The following MAGI3 variants were observed in gnomAD, a reference collection of about 807,000 sequenced individuals.
MAGI3 encodes membrane-associated guanylate kinase, WW and PDZ domain-containing protein 3.
In MAGI3, 43 loss-of-function variants were observed where a neutral mutation model predicts 121.8. The observed-to-expected ratio is 0.35, with a 90% CI of 0.28 to 0.46. MAGI3 has a LOEUF of 0.46. MAGI3 is among the 20% of genes least tolerant of loss of function. MAGI3 has a pLI of 1.00. For synonymous variants in MAGI3, 553 were observed against 639.3 expected (o/e 0.86, Z 2.04); for missense variants, 1,547 against 1,797.3 (o/e 0.86, Z 2.52).
chr1:113,568,260 C>T (rs1660516231), intron 2 of MAGI3, among the ~76,000 whole-genome samples: 1 of 151,964 alleles, frequency 6.6e-6, no homozygotes, highest in South Asian at 2.1e-4. Flanking sequence ...ATATTACTTA[C>T]CATAGCATAT....
In MAGI3 at chr1:113,659,148, G is replaced by A; in HGVS notation, c.2698G>A (p.Gly900Arg). The change falls in exon 16 of 21, where the codon GGA becomes AGA. Residue 900 changes from glycine to arginine, a missense_variant. Coordinates refer to ENST00000307546, the MANE Select transcript of MAGI3 (RefSeq NM_001142782.2). Reference protein sequence around the residue: ...PADRCGKLKVGDHISAVNGQS... With the variant: ...PADRCGKLKVRDHISAVNGQS... The stretch of plus-strand genomic sequence containing the variant: ...TGACCGCTGTGGAAAACTGAAAGTT[G>A]GAGATCATATCTCTGCAGTGAATGG... The A allele has an allele frequency of 6.2e-7, 1 of 1,614,034 alleles. No homozygotes were observed. Among genetic ancestry groups the A allele is most frequent in the Non-Finnish European group, 8.5e-7 (1 of 1,179,942 alleles).
At chr1:113,682,142 T>C in intron 20 of MAGI3, 2 of 1,520,668 alleles carry the variant, frequency 1.3e-6, no homozygotes, top group South Asian at 1.2e-5. Flanking sequence ...CCCAGTGACA[T>C]CTTTGCTAAC....
At chr1:113,514,914 G>A (rs1324673294) in intron 1 of MAGI3, among the ~76,000 whole-genome samples, 1 of 152,092 alleles carries the variant, frequency 6.6e-6, no homozygotes, top group Non-Finnish European at 1.5e-5. Flanking sequence ...AGAAAACTAA[G>A]AGAGGAATTT....
intron 1 of MAGI3, among the ~76,000 whole-genome samples, chr1:113,474,565 G>T (rs547458587): frequency 1.3e-5 from 2 of 152,144 alleles, no homozygotes; most frequent in South Asian, 2.1e-4. Context: ...TCAAAGATCC[G>T]ATGGTTGCGG....
At chr1:113,619,661 TG>T in intron 7 of MAGI3, 74 bp from the exon 8 acceptor site, 1 of 968,990 alleles carries the variant, frequency 1.0e-6, no homozygotes, top group Non-Finnish European at 1.6e-6. Flanking sequence ...GATGATGGAA[TG>T]GTATGATAGA....
chr1:113,553,475 T>G (rs12035317), intron 2 of MAGI3, among the ~76,000 whole-genome samples: 34,229 of 152,064 alleles, frequency 0.23, 4,946 homozygotes, highest in East Asian at 0.65. Context: ...AGTTTTAAGT[T>G]TAACAATTCC....
chr1:113,483,489 C>T (rs1656209135), intron 1 of MAGI3, among the ~76,000 whole-genome samples: 1 of 152,182 alleles, frequency 6.6e-6, no homozygotes, highest in Admixed American at 6.5e-5. Context: ...AGACAGCAAA[C>T]CAGCAAGAGT....
At chr1:113,513,786 A>G (rs1657741400) in intron 1 of MAGI3, among the ~76,000 whole-genome samples, 1 of 152,232 alleles carries the variant, frequency 6.6e-6, no homozygotes, top group Non-Finnish European at 1.5e-5. Context: ...ATGGGATCTA[A>G]TTAAACTAAA....
intron 1 of MAGI3, among the ~76,000 whole-genome samples, chr1:113,532,187 CTATT>C (rs879543299): frequency 3.8e-4 from 58 of 152,146 alleles, no homozygotes; most frequent in African/African-American, 8.4e-4. Context: ...TGCTTAAAGA[CTATT>C]TATACTTTGC....
intron 2 of MAGI3, among the ~76,000 whole-genome samples, chr1:113,554,283 ATGTG>A (rs539910651): frequency 6.1e-5 from 8 of 131,854 alleles, no homozygotes; most frequent in African/African-American, 1.4e-4. Context: ...AAATATTCAT[ATGTG>A]TGTGTGTGTG....
intron 1 of MAGI3, among the ~76,000 whole-genome samples, chr1:113,425,078 G>A (rs998944773): frequency 6.6e-6 from 1 of 151,808 alleles, no homozygotes. Flanking sequence ...AGAATCACTT[G>A]AACCTGGGAG....
intron 1 of MAGI3, chr1:113,404,509 TTTCTTTATATCTACTA>T (rs1651572053): frequency 6.6e-6 from 1 of 152,212 alleles, no homozygotes; most frequent in African/African-American, 2.4e-5. Context: ...TGCTTTTGAA[TTTCTTTATATCTACTA>T]TATCTGTATG....
At chr1:113,456,867 T>C (rs1277573069) in intron 1 of MAGI3, among the ~76,000 whole-genome samples, 3 of 151,090 alleles carry the variant, frequency 2.0e-5, no homozygotes, top group African/African-American at 4.9e-5. Context: ...TTTTTTTTTT[T>C]CCAAGTTCTA....
chr1:113,449,075 G>A (rs1654328989), intron 1 of MAGI3, among the ~76,000 whole-genome samples: 1 of 149,678 alleles, frequency 6.7e-6, no homozygotes, highest in African/African-American at 2.5e-5. Flanking sequence ...CCGAGATCAC[G>A]CTATTGCACT....
At chr1:113,598,889 T>G (rs1178961924) in intron 6 of MAGI3, among the ~76,000 whole-genome samples, 1 of 152,204 alleles carries the variant, frequency 6.6e-6, no homozygotes, top group Non-Finnish European at 1.5e-5. Flanking sequence ...CATCAGCACA[T>G]GGAACCTTCT....
intron 7 of MAGI3, among the ~76,000 whole-genome samples, chr1:113,617,061 G>A (rs947675880): frequency 3.3e-5 from 5 of 151,934 alleles, no homozygotes; most frequent in Non-Finnish European, 7.4e-5. Context: ...ACCTAATTTT[G>A]TATTTTTAGT....
chr1:113,395,087 G>T (rs932501851), intron 1 of MAGI3, among the ~76,000 whole-genome samples: 31 of 33,232 alleles, frequency 9.3e-4, no homozygotes, highest in African/African-American at 3.0e-3. Context: ...CTTTTTGTTA[G>T]TTTTTTTTTT....
chr1:113,673,675 A>G (rs1647697307), intron 19 of MAGI3, among the ~76,000 whole-genome samples: 1 of 152,226 alleles, frequency 6.6e-6, no homozygotes, highest in South Asian at 2.1e-4. Context: ...GTGCTAAACC[A>G]TATTGCAGTT....
At chr1:113,562,402 A>G (rs753203607) in intron 2 of MAGI3, among the ~76,000 whole-genome samples, 1 of 152,026 alleles carries the variant, frequency 6.6e-6, no homozygotes, top group Non-Finnish European at 1.5e-5. Context: ...CTCCATCTCA[A>G]AAAAAAAGAA....
Sources: allele counts gnomAD v4.1 joint callset (sites outside exome capture counted in the v4.1 genomes callset), GRCh38; gene constraint gnomAD v4.1.1; transcripts MANE v1.5; gene names NCBI Gene and HGNC (gene_info 2026-07-23, HGNC 2026-07-21).